MTMR14: variants seen among roughly 807,000 people sequenced by gnomAD.
MTMR14 encodes the protein myotubularin related protein 14, also known as phosphatidylinositol-3,5-bisphosphate 3-phosphatase MTMR14.
MTMR14 carries 48 observed loss-of-function variants against 86.3 expected under a neutral mutation model. That is an observed-to-expected ratio of 0.56 (90% confidence interval 0.44 to 0.71). The LOEUF (loss-of-function observed/expected upper bound fraction) is 0.71, where lower values mean the gene tolerates loss of function less well. MTMR14 is among the 30% of genes least tolerant of loss of function. The probability of loss-of-function intolerance (pLI) is 0.00; values close to 1 mark genes in which losing one functional copy is unlikely to be tolerated. For synonymous variants in MTMR14, 366 were observed against 326.1 expected (o/e 1.12, Z -1.32); for missense variants, 780 against 834.6 (o/e 0.93, Z 0.81).
In MTMR14 at chr3:9,684,944, C is replaced by G. The variant is rs1313256454; in HGVS notation, c.1107C>G (p.Ala369=). ...KPTEILYLTV[A]YDWFLFGHML... is the part of the protein sequence containing the mutation. ...CTGAGATCCTCTACCTCACTGTGGCCTATGACTGGTTCCTCTTCGGGTAAG... is the reference window on the plus strand; with the variant it reads ...CTGAGATCCTCTACCTCACTGTGGCGTATGACTGGTTCCTCTTCGGGTAAG... The change falls in exon 12 of 19, where the codon GCC becomes GCG. Residue 369 remains alanine, a synonymous_variant. Coordinates refer to ENST00000296003, the MANE Select transcript of MTMR14 (RefSeq NM_001077525.3). 6.2e-7 allele frequency: 1 copy of G among 1,614,178 alleles called. No individual in the cohort carries two copies. The highest frequency in any genetic ancestry group is 1.1e-5 in the South Asian group (1 of 91,082).
At chr3:9,695,924 T>A (rs1309473952) in intron 17 of MTMR14, among the ~76,000 whole-genome samples, 1 of 152,158 alleles carries the variant, frequency 6.6e-6, no homozygotes, top group Non-Finnish European at 1.5e-5. Context: ...TCTCTTTGAT[T>A]TACAGACTGC....
At chr3:9,694,104 G>T (rs2076214512) in intron 17 of MTMR14, among the ~76,000 whole-genome samples, 1 of 152,178 alleles carries the variant, frequency 6.6e-6, no homozygotes, top group African/African-American at 2.4e-5. Flanking sequence ...GAAGCTGTGT[G>T]CTTTACTCCC....
chr3:9,684,703 T>C, intron 11 of MTMR14, 33 bp downstream of exon 11: 1 of 1,611,110 alleles, frequency 6.2e-7, no homozygotes, highest in Non-Finnish European at 8.5e-7. Flanking sequence ...CAAGCTCTGC[T>C]CTTTGGGTGT....
At chr3:9,665,290 A>AG (rs2048183418) in intron 3 of MTMR14, among the ~76,000 whole-genome samples, 1 of 152,094 alleles carries the variant, frequency 6.6e-6, no homozygotes, top group South Asian at 2.1e-4. Context: ...AAAAAAAAAA[A>AG]AAAAAAAAAG....
At chr3:9,675,893 T>G (rs1338267482) in intron 7 of MTMR14, among the ~76,000 whole-genome samples, 1 of 152,230 alleles carries the variant, frequency 6.6e-6, no homozygotes, top group East Asian at 1.9e-4. Flanking sequence ...CTGAGATCTA[T>G]AATTCTTCTT....
chr3:9,654,105 C>T (rs1177809009), intron 2 of MTMR14, among the ~76,000 whole-genome samples: 1 of 152,136 alleles, frequency 6.6e-6, no homozygotes, highest in African/African-American at 2.4e-5. Flanking sequence ...GACAGGCTTA[C>T]CAGCGTTTAC....
chr3:9,660,047 C>T lies in MTMR14; in HGVS notation c.309-2220C>T, dbSNP rs1240741106. ...CTGACCAGATATGTGACATCGGCCA[C>T]GGGCCAAGTAAGTGGGAGGAAGGCC... On this transcript the variant is annotated intron_variant, in intron 2 of 18. Transcript: ENST00000296003. Among the ~76,000 whole-genome samples, 7 of 152,284 alleles carry T rather than the reference C, an allele frequency of 4.6e-5. No homozygotes were observed. In the South Asian group the frequency reaches 6.2e-4, roughly 14 times the overall value.
Position 9,653,779 on chromosome 3 carries a change from A to G in MTMR14, c.308+10A>G, listed in dbSNP as rs772005764. 1 of 1,614,140 alleles carries G rather than the reference A, an allele frequency of 6.2e-7. No individual in the cohort carries two copies. The highest frequency in any genetic ancestry group is 8.5e-7 in the Non-Finnish European group (1 of 1,180,032). On this transcript the variant is annotated intron_variant, in intron 2 of 18. Coordinates refer to ENST00000296003, the MANE Select transcript of MTMR14 (RefSeq NM_001077525.3). Reference sequence around the variant, plus strand: ...AGAAGGAGAAAGACACGTGAGCATCATGTGACCGTAGTGTACATGTCTGGG... The same window carrying G: ...AGAAGGAGAAAGACACGTGAGCATCGTGTGACCGTAGTGTACATGTCTGGG...
intron 18 of MTMR14, chr3:9,699,623 G>C (rs1229693866): frequency 6.6e-6 from 1 of 152,192 alleles, no homozygotes; most frequent in African/African-American, 2.4e-5. Context: ...CTCTCAAGAA[G>C]GAATGGCACT....
At chr3:9,670,362 C>G (rs965182905) in intron 5 of MTMR14, among the ~76,000 whole-genome samples, 1 of 152,226 alleles carries the variant, frequency 6.6e-6, no homozygotes, top group African/African-American at 2.4e-5. Flanking sequence ...TCAGCATACA[C>G]TGTTCTTAGC....
chr3:9,686,304 CT>C lies in MTMR14; in HGVS notation c.1164+1060del, dbSNP rs573812949. On this transcript the variant is annotated intron_variant, in intron 13 of 18. Coordinates refer to ENST00000296003, the MANE Select transcript of MTMR14 (RefSeq NM_001077525.3). ...CTTTTTGTAGCCTCTCATTTTGGGA[CT>C]TTCCCGGAGCTCTGGGACATTCTAC... Among the ~76,000 whole-genome samples the C allele has an allele frequency of 1.9e-3, 288 of 152,352 alleles. 1 individual carries two copies. The highest frequency in any genetic ancestry group is 3.5e-3 in the South Asian group (17 of 4,830).
At chr3:9,656,063 C>T (rs770413132) in intron 2 of MTMR14, among the ~76,000 whole-genome samples, 12 of 151,862 alleles carry the variant, frequency 7.9e-5, no homozygotes, top group South Asian at 2.1e-4. Flanking sequence ...GGTGTGGTGG[C>T]GCACGCCTGT....
intron 3 of MTMR14, among the ~76,000 whole-genome samples, 195 bp from the exon 4 acceptor site, chr3:9,668,524 C>G (rs75214188): frequency 1.3e-5 from 2 of 152,302 alleles, no homozygotes; most frequent in Non-Finnish European, 2.9e-5. Flanking sequence ...GAGTGAGACT[C>G]CCTCAGTAGA....
chr3:9,654,926 A>T (rs528719834), intron 2 of MTMR14, among the ~76,000 whole-genome samples: 1 of 152,294 alleles, frequency 6.6e-6, no homozygotes, highest in Admixed American at 6.5e-5. Context: ...CCTGGGAAGA[A>T]CTGGAATTGG....
intron 3 of MTMR14, among the ~76,000 whole-genome samples, chr3:9,665,017 C>T (rs1327833716): frequency 6.6e-6 from 1 of 152,116 alleles, no homozygotes; most frequent in Non-Finnish European, 1.5e-5. Flanking sequence ...GGCACGATGG[C>T]TCATGCCTGT....
chr3:9,673,274 A>G (rs148585095), intron 7 of MTMR14, among the ~76,000 whole-genome samples: 243 of 152,304 alleles, frequency 1.6e-3, no homozygotes, highest in African/African-American at 5.5e-3. Context: ...CATAATTGCT[A>G]TGTTCCCAGT....
chr3:9,654,840 G>A (rs2047505474), intron 2 of MTMR14, among the ~76,000 whole-genome samples: 2 of 152,216 alleles, frequency 1.3e-5, no homozygotes, highest in South Asian at 4.1e-4. Flanking sequence ...CAGGTGATTC[G>A]AATGCACTAC....
chr3:9,651,234 T>C (rs1177352578), intron 1 of MTMR14, among the ~76,000 whole-genome samples: 1 of 152,158 alleles, frequency 6.6e-6, no homozygotes, highest in African/African-American at 2.4e-5. Flanking sequence ...GCCAAGCACC[T>C]GGGACCACAG....
chr3:9,685,831 G>C (rs1188185899), intron 13 of MTMR14, among the ~76,000 whole-genome samples: 1 of 152,130 alleles, frequency 6.6e-6, no homozygotes, highest in Non-Finnish European at 1.5e-5. Context: ...GGCCTTACCT[G>C]TTAGTGCCTG....
Sources: gnomAD v4.1 joint callset for allele counts (sites outside exome capture counted in the v4.1 genomes callset) on GRCh38, gnomAD v4.1.1 for gene constraint, MANE v1.5 for transcripts, NCBI Gene and HGNC (gene_info 2026-07-23, HGNC 2026-07-21) for gene names.